Variants in NBPF8 observed in about 807,000 individuals in gnomAD.
The protein encoded by NBPF8 is NBPF family member NBPF8.
intron 3 of NBPF8, among the ~76,000 whole-genome samples, chr1:120,431,260 TG>T (rs1660865483): frequency 7.0e-6 from 1 of 142,528 alleles, no homozygotes; most frequent in Non-Finnish European, 1.5e-5. Flanking sequence ...AACGTGTGTG[TG>T]TGTGTGTGTG....
intron 13 of NBPF8, among the ~76,000 whole-genome samples, chr1:120,452,882 G>T (rs1176034642): frequency 3.9e-5 from 6 of 152,184 alleles, no homozygotes; most frequent in Admixed American, 3.9e-4. Flanking sequence ...GGTAGGAAGT[G>T]CTTCAGACTG....
chr1:120,464,517 A>T, exon 23 of NBPF8: 1 of 1,015,450 alleles, frequency 9.8e-7, no homozygotes, highest in South Asian at 1.3e-5. Context: ...CATTGGAGGA[A>T]AAACATGTTG....
At position 120,464,835 on chromosome 1, in the gene NBPF8, T is replaced by C. The variant is rs1403185765; in HGVS notation, n.3459+287T>C. Among the ~76,000 whole-genome samples the C allele has an allele frequency of 9.1e-4, 125 of 137,394 alleles. 2 individuals are homozygous for C. Among genetic ancestry groups the C allele is most frequent in the African/African-American group, 3.2e-3 (117 of 36,398 alleles). The allele number at this position is 137,394 out of a possible 152,430, so 90.1% of individuals were successfully genotyped here. ...TGTGACAAATTCAGAGAACTATGAT[T>C]TTGACTCAAGGGTTTGTAGATTTCC... On this transcript the variant is annotated intron_variant and non_coding_transcript_variant, in intron 23 of 24. Coordinates refer to ENST00000583271, the Ensembl canonical transcript of NBPF8.
upstream of NBPF8, chr1:120,433,959 G>C (rs1370294856): frequency 6.1e-6 from 1 of 163,248 alleles, no homozygotes; most frequent in Admixed American, 6.3e-5. Flanking sequence ...GTTGAGGAAG[G>C]TTTTCCCTGG....
chr1:120,466,099 G>A, exon 25 of NBPF8: 4 of 1,611,624 alleles, frequency 2.5e-6, no homozygotes, highest in Non-Finnish European at 3.4e-6. Context: ...CTACAGAAGT[G>A]TGTTTTACTC....
intron 1 of NBPF8, among the ~76,000 whole-genome samples, chr1:120,421,543 C>T (rs1660578081): frequency 6.7e-6 from 1 of 150,196 alleles, no homozygotes; most frequent in African/African-American, 2.5e-5. Context: ...TCCTTCCTTC[C>T]CTCCCTCCAT....
Position 120,463,031 on chromosome 1 carries a change from G to C in NBPF8, n.3234+65G>C, listed in dbSNP as rs1379666858. On this transcript the variant is annotated intron_variant and non_coding_transcript_variant, in intron 21 of 24. Transcript: ENST00000583271. The stretch of plus-strand genomic sequence containing the variant: ...TCTTCCAGATAGGGGTGATATTCCT[G>C]TTCCAAGTGGCCCTTACTGACCCGA... 8 of 616,034 alleles carry C rather than the reference G, an allele frequency of 1.3e-5. No individual in the cohort carries two copies. In the African/African-American group the frequency reaches 1.5e-4, roughly 12 times the overall value. The allele number at this position is 616,034 out of a possible 1,614,324, so 38.2% of individuals were successfully genotyped here. A position where few individuals can be genotyped will look rare whatever the true frequency, so the allele number is the denominator to read the frequency against.
At chr1:120,423,467 C>T (rs1660625558) in intron 1 of NBPF8, among the ~76,000 whole-genome samples, 2 of 105,574 alleles carry the variant, frequency 1.9e-5, no homozygotes, top group South Asian at 5.0e-4. Flanking sequence ...CTTTTCTATG[C>T]ATCTATATGT....
exon 15 of NBPF8, chr1:120,454,010 C>T: frequency 6.2e-7 from 1 of 1,612,322 alleles, no homozygotes; most frequent in Non-Finnish European, 8.5e-7. Context: ...TCCAACCAGC[C>T]ACATAGGAAA....
chr1:120,421,254 G>C (rs112259394), intron 1 of NBPF8, among the ~76,000 whole-genome samples: 197 of 152,332 alleles, frequency 1.3e-3, no homozygotes, highest in Non-Finnish European at 2.0e-3. Flanking sequence ...TAGTGCGTCT[G>C]TCTCCAATAA....
At chr1:120,468,439 C>CTAGA (rs1277092674), downstream of NBPF8, among the ~76,000 whole-genome samples, 4 of 142,232 alleles carry the variant, frequency 2.8e-5, no homozygotes, top group African/African-American at 8.0e-5. Flanking sequence ...GATCGCATTA[C>CTAGA]TAGATATAAG....
chr1:120,428,511 T>C (rs1312382644), intron 3 of NBPF8, among the ~76,000 whole-genome samples: 4 of 151,906 alleles, frequency 2.6e-5, no homozygotes, highest in African/African-American at 7.3e-5. Flanking sequence ...GTGAAGAATT[T>C]CTTTTATGAT....
At position 120,454,118 on chromosome 1, in the gene NBPF8, G is replaced by A; in HGVS notation, n.2568+4G>A. On this transcript the variant is annotated splice_donor_region_variant and intron_variant and non_coding_transcript_variant, in intron 15 of 24. Transcript: ENST00000583271. ...GATGCTGTACACATTATTCCAGGTA[G>A]CCTCTGTTTTCCTTGTGTCTCATAC... 1 of 1,612,456 alleles carries A rather than the reference G, an allele frequency of 6.2e-7. No individual in the cohort carries two copies. Among genetic ancestry groups the A allele is most frequent in the Admixed American group, 1.7e-5 (1 of 59,974 alleles).
chr1:120,467,777 T>C (rs1197646250), downstream of NBPF8: 2 of 152,340 alleles, frequency 1.3e-5, no homozygotes, highest in Non-Finnish European at 2.9e-5. Context: ...TTCAGTGTTA[T>C]AATATTTGAT....
At chr1:120,422,945 T>G (rs1275888782) in intron 1 of NBPF8, among the ~76,000 whole-genome samples, 1 of 79,446 alleles carries the variant, frequency 1.3e-5, no homozygotes, top group Non-Finnish European at 2.3e-5. Flanking sequence ...TAATGAGGTG[T>G]TCAGATCTTT....
chr1:120,469,631 T>G (rs1173823456), downstream of NBPF8, among the ~76,000 whole-genome samples: 1,871 of 152,238 alleles, frequency 0.012, 19 homozygotes, highest in Non-Finnish European at 0.019. Flanking sequence ...ATCAATGTTT[T>G]CTTTAATGGT....
intron 16 of NBPF8, among the ~76,000 whole-genome samples, chr1:120,456,608 T>G (rs1661443508): frequency 7.4e-6 from 1 of 135,960 alleles, no homozygotes; most frequent in Non-Finnish European, 1.5e-5. Flanking sequence ...TTGTTTTCCA[T>G]TTGCTTGGTA....
At chr1:120,430,600 A>AAATACTCTACT (rs1660849671) in intron 3 of NBPF8, among the ~76,000 whole-genome samples, 1 of 143,312 alleles carries the variant, frequency 7.0e-6, no homozygotes, top group South Asian at 2.2e-4. Context: ...TAAAAATACA[A>AAATACTCTACT]AAAATTAGCT....
At chr1:120,434,327 A>G, upstream of NBPF8, among the ~76,000 whole-genome samples, 1 of 147,382 alleles carries the variant, frequency 6.8e-6, no homozygotes, top group Non-Finnish European at 1.5e-5. Flanking sequence ...ACGTATATAT[A>G]TTATATATAT....
Sources: allele counts gnomAD v4.1 joint callset (sites outside exome capture counted in the v4.1 genomes callset), GRCh38; gene constraint gnomAD v4.1.1; transcripts MANE v1.5; gene names NCBI Gene and HGNC (gene_info 2026-07-23, HGNC 2026-07-21).